The following LCP1 variants were observed in gnomAD, a reference collection of about 807,000 sequenced individuals.
LCP1 encodes the protein lymphocyte cytosolic protein 1.
A neutral mutation model predicts 72.0 loss-of-function variants in LCP1; 23 were observed. The ratio of observed to expected loss-of-function variants is 0.32; its 90% confidence interval spans 0.23 to 0.45. The LOEUF (loss-of-function observed/expected upper bound fraction) is 0.45. Ranked by LOEUF, LCP1 falls within the 20% of genes least tolerant of loss-of-function variation. The pLI, the probability that LCP1 is intolerant of heterozygous loss-of-function variation, is 1.00. For missense variants in LCP1, 571 were observed against 748.3 expected, an observed-to-expected ratio of 0.76 and a Z score of 2.76; for synonymous variants, 245 against 275.4, an observed-to-expected ratio of 0.89 and a Z score of 1.09.
Position 46,134,158 on chromosome 13 carries a change from G to C in LCP1, c.1595C>G (p.Ala532Gly), listed in dbSNP as rs1232428244. ...ACTAGAGATGGATGAACTTTTCTTTGCTTCCCTCAATGTTTCATTCACCCA... is the reference window on the plus strand; with the variant it reads ...ACTAGAGATGGATGAACTTTTCTTTCCTTCCCTCAATGTTTCATTCACCCA... The part of the protein sequence containing the change: ...VNWVNETLRE[A>G]KKSSSISSFK... The change falls in exon 14 of 16, where the codon GCA (alanine) becomes GGA (glycine). Residue 532 changes from alanine (A) to glycine (G), a missense_variant. Ala to Gly is a moderately conservative substitution (Grantham distance 60). Coordinates refer to ENST00000323076, the MANE Select transcript of LCP1 (RefSeq NM_002298.5). 12 of 1,613,340 alleles carry C rather than the reference G, an allele frequency of 7.4e-6. No homozygotes were observed. The highest frequency in any genetic ancestry group is 1.0e-5 in the Non-Finnish European group (12 of 1,179,596).
At chr13:46,144,648 T>C (rs551140556) in intron 10 of LCP1, 128 bp from the exon 11 acceptor site, 3 of 680,398 alleles carry the variant, frequency 4.4e-6, no homozygotes, top group South Asian at 3.4e-5. Flanking sequence ...AAATAAACTG[T>C]ATTGGATTTG....
At chr13:46,133,805 G>A (rs1018847585) in intron 14 of LCP1, among the ~76,000 whole-genome samples, 5 of 151,866 alleles carry the variant, frequency 3.3e-5, no homozygotes, top group Non-Finnish European at 5.9e-5. Context: ...CCTCGCTGGT[G>A]GATTTATTTG....
At chr13:46,130,181 G>A (rs1309276675) in intron 15 of LCP1, among the ~76,000 whole-genome samples, 2 of 152,196 alleles carry the variant, frequency 1.3e-5, no homozygotes, top group East Asian at 3.8e-4. Context: ...CACCTGTCTG[G>A]AGCAGATGTT....
intron 1 of LCP1, among the ~76,000 whole-genome samples, chr13:46,181,392 C>T (rs1192517797): frequency 6.6e-6 from 1 of 152,094 alleles, no homozygotes; most frequent in African/African-American, 2.4e-5. Context: ...AGCCTTTCTC[C>T]CAGAATTTGA....
chr13:46,130,733 CA>C, intron 15 of LCP1, 80 bp downstream of exon 15: 2 of 1,491,592 alleles, frequency 1.3e-6, no homozygotes, highest in South Asian at 2.4e-5. Context: ...TGTATAAAGG[CA>C]TGAGCATTAG....
chr13:46,135,108 CAAA>C (rs11438431), intron 13 of LCP1, among the ~76,000 whole-genome samples: 1 of 97,124 alleles, frequency 1.0e-5, no homozygotes. Context: ...GACTCTGTCT[CAAA>C]AAAAAAAAAA....
chr13:46,165,961 A>T (rs1366790708), intron 1 of LCP1, among the ~76,000 whole-genome samples: 1 of 151,866 alleles, frequency 6.6e-6, no homozygotes. Context: ...TAAAACCTTA[A>T]GAAAAAAAAA....
At chr13:46,163,652 AC>A (rs748235349) in intron 1 of LCP1, among the ~76,000 whole-genome samples, 1,803 of 149,954 alleles carry the variant, frequency 0.012, 43 homozygotes, top group African/African-American at 0.041. Context: ...AAAAAAAAAA[AC>A]AATGAGTTAT....
rs182018492 is a variant in LCP1 at position 46,149,205 on chromosome 13, C to T, written c.883-758G>A. On this transcript the variant is annotated intron_variant, in intron 8 of 15. Transcript: ENST00000323076. ...TAGCATCTCAATTTCTCATAAAGAT[C>T]GAAAAATCAGCTATTATTTTGTTTC... Among the ~76,000 whole-genome samples the T allele has an allele frequency of 1.9e-3, 289 of 152,202 alleles. 3 individuals carry two copies. The highest frequency in any genetic ancestry group is 7.4e-4 in the Non-Finnish European group (50 of 67,994).
chr13:46,140,841 A>G (rs1415709216), intron 13 of LCP1, among the ~76,000 whole-genome samples: 1 of 152,240 alleles, frequency 6.6e-6, no homozygotes, highest in Non-Finnish European at 1.5e-5. Flanking sequence ...GAGTTAATGG[A>G]ATATTAGACA....
chr13:46,142,807 T>C (rs1307166863), intron 12 of LCP1: 1 of 465,008 alleles, frequency 2.2e-6, no homozygotes, highest in African/African-American at 2.0e-5. Context: ...ACATAGCAAA[T>C]GGACATGTGA....
Position 46,137,366 on chromosome 13 carries a change from T to C in LCP1, c.1503-3116A>G, listed in dbSNP as rs188172651. Among the ~76,000 whole-genome samples, 664 of 152,230 alleles carry C rather than the reference T, an allele frequency of 4.4e-3. 6 individuals are homozygous for C. Among genetic ancestry groups the C allele is most frequent in the African/African-American group, 0.015 (638 of 41,540 alleles). ...CAGCCTTACCAACATGGAGAAACCC[T>C]GTCTCTACTAAAAGTAGAAAATTAG... On this transcript the variant is annotated intron_variant, in intron 13 of 15. Coordinates refer to ENST00000323076, the MANE Select transcript of LCP1 (RefSeq NM_002298.5).
chr13:46,142,505 T>TA lies in LCP1; in HGVS notation c.1369-81dup, dbSNP rs918172284. 3.4e-6 allele frequency: 5 copies of TA among 1,453,654 alleles called. No homozygotes were observed. The African/African-American group carries it at 4.3e-5, about 12-fold the overall frequency. The allele number at this position is 1,453,654 out of a possible 1,614,324, so 90.0% of individuals were successfully genotyped here. On this transcript the variant is annotated intron_variant, in intron 12 of 15. Coordinates refer to ENST00000323076, the MANE Select transcript of LCP1 (RefSeq NM_002298.5). ...ACCAGATAAATAATAAAAATAAAGA[T>TA]AAAAAATGAAATAAATATGGTAAGA... is the stretch of plus-strand genomic sequence containing the variant.
rs1593950270 is a variant in LCP1, at chr13:46,146,799, T to C, written c.1174+109A>G. ...GTTGCATACCAGAGAATTAATGGCC[T>C]GTTTGCACATGTAAATAGTTTATAT... On this transcript the variant is annotated intron_variant, in intron 10 of 15. Transcript: ENST00000323076. 5.6e-6 allele frequency: 6 copies of C among 1,070,208 alleles called. No individual in the cohort carries two copies. In the East Asian group the frequency reaches 1.4e-4, roughly 25 times the overall value. 66.3% of individuals were successfully genotyped at this position (1,070,208 alleles called of 1,614,324 possible). A position where few individuals can be genotyped will look rare whatever the true frequency, so the allele number is the denominator to read the frequency against.
chr13:46,151,209 G>A (rs1416835009), intron 7 of LCP1, 131 bp from the exon 8 acceptor site: 18 of 801,824 alleles, frequency 2.2e-5, no homozygotes, highest in South Asian at 6.1e-5. Context: ...AAAGGTTCTT[G>A]TAGCCTTTCC....
chr13:46,180,461 A>C (rs1212655859), intron 1 of LCP1, among the ~76,000 whole-genome samples: 1 of 152,206 alleles, frequency 6.6e-6, no homozygotes, highest in African/African-American at 2.4e-5. Flanking sequence ...CAAATTACCA[A>C]TTGTTTCAAG....
At chr13:46,158,100 T>C (rs1008917967) in intron 4 of LCP1, among the ~76,000 whole-genome samples, 14 of 152,186 alleles carry the variant, frequency 9.2e-5, no homozygotes, top group Non-Finnish European at 1.5e-5. Context: ...AACTATACTG[T>C]TTGGCCTGTT....
intron 15 of LCP1, among the ~76,000 whole-genome samples, chr13:46,129,026 GTC>G (rs1750470672): frequency 6.6e-6 from 1 of 151,904 alleles, no homozygotes; most frequent in Non-Finnish European, 1.5e-5. Flanking sequence ...TTTTCTCCTT[GTC>G]TCTCTCTCAA....
intron 1 of LCP1, among the ~76,000 whole-genome samples, chr13:46,177,504 G>GT (rs2045937115): frequency 6.6e-6 from 1 of 152,088 alleles, no homozygotes; most frequent in Non-Finnish European, 1.5e-5. Flanking sequence ...GCCGGGCGTG[G>GT]TGGTGGGCGC....
Sources: allele counts gnomAD v4.1 joint callset (sites outside exome capture counted in the v4.1 genomes callset), GRCh38; gene constraint gnomAD v4.1.1; transcripts MANE v1.5; gene names NCBI Gene and HGNC (gene_info 2026-07-23, HGNC 2026-07-21).